SPACA7: variants seen among roughly 807,000 people sequenced by gnomAD.
SPACA7 encodes sperm acrosome-associated protein 7.
SPACA7 carries 19 observed loss-of-function variants against 26.3 expected under a neutral mutation model. The observed-to-expected ratio is 0.72, with a 90% confidence interval of 0.50 to 1.06. The LOEUF (loss-of-function observed/expected upper bound fraction) is 1.06, where lower values mean the gene tolerates loss of function less well. Ranked by LOEUF, SPACA7 falls within the 50% of genes least tolerant of loss-of-function variation. SPACA7 has a pLI of 0.00. For missense variants in SPACA7, 211 were observed against 229.9 expected, an observed-to-expected ratio of 0.92 and a Z score of 0.53; for synonymous variants, 84 against 84.5, an observed-to-expected ratio of 0.99 and a Z score of 0.04.
At chr13:112,416,148 A>G (rs1448669154) in intron 5 of SPACA7, among the ~76,000 whole-genome samples, 1 of 151,956 alleles carries the variant, frequency 6.6e-6, no homozygotes, top group Non-Finnish European at 1.5e-5. Context: ...ATGATCACTC[A>G]TCTGATTTTC....
At chr13:112,415,999 C>T (rs964782473) in intron 5 of SPACA7, among the ~76,000 whole-genome samples, 1 of 152,002 alleles carries the variant, frequency 6.6e-6, no homozygotes, top group Non-Finnish European at 1.5e-5. Flanking sequence ...ACTCACTTCC[C>T]TCCCTCTCTG....
chr13:112,426,921 G>T (rs1223388067), intron 5 of SPACA7, among the ~76,000 whole-genome samples: 2 of 152,136 alleles, frequency 1.3e-5, no homozygotes, highest in East Asian at 3.9e-4. Context: ...GTGCAATGTT[G>T]AATGTTGAAT....
chr13:112,412,050 C>G (rs1195691455), intron 5 of SPACA7, among the ~76,000 whole-genome samples: 1 of 152,068 alleles, frequency 6.6e-6, no homozygotes. Flanking sequence ...AGTGGCTGAA[C>G]TAGTTTACAC....
At chr13:112,412,388 A>G (rs1452765865) in intron 5 of SPACA7, among the ~76,000 whole-genome samples, 3 of 151,914 alleles carry the variant, frequency 2.0e-5, no homozygotes, top group African/African-American at 7.3e-5. Context: ...GTTTGCAAAT[A>G]TTTTCTCCCA....
rs529146848 is a variant in SPACA7 at position 112,428,651 on chromosome 13, C to G, written c.446-3793C>G. 4.6e-5 allele frequency among the ~76,000 whole-genome samples: 7 copies of G among 152,180 alleles called. 1 individual carries two copies. Among genetic ancestry groups the G allele is most frequent in the Admixed American group, 4.6e-4 (7 of 15,296 alleles). On this transcript the variant is annotated intron_variant, in intron 5 of 6. Coordinates refer to ENST00000283550, the MANE Select transcript of SPACA7 (RefSeq NM_145248.5). ...AGTTTCAGATATTTGGAGGTTTTTT[C>G]CAGATACCATAATTTTATTGATTTA...
At chr13:112,432,812 G>A (rs1276387649) in intron 6 of SPACA7, among the ~76,000 whole-genome samples, 1 of 152,156 alleles carries the variant, frequency 6.6e-6, no homozygotes, top group Admixed American at 6.5e-5. Flanking sequence ...GACTCACAAG[G>A]CTGCCACCAC....
At position 112,432,521 on chromosome 13, in the gene SPACA7, G is replaced by A. The variant is rs200035329; in HGVS notation, c.523G>A (p.Gly175Arg). 7.4e-5 allele frequency: 118 copies of A among 1,593,264 alleles called. No homozygotes were observed. The highest frequency in any genetic ancestry group is 9.1e-5 in the Non-Finnish European group (106 of 1,161,056). Residue 175 changes from glycine (G) to arginine (R), a missense_variant and splice_region_variant, in exon 6 of 7, where the codon GGA becomes AGA. Gly to Arg is a moderately radical substitution (Grantham distance 125). Transcript: ENST00000283550. The part of the protein sequence containing the change: ...QILQNIGRSS[G>R]NIFHKEQQRT... Reference sequence around the variant, plus strand: ...CCTTCAAAATATTGGAAGATCTTCAGGTAGATTGGAAATAATAGATAAGTG... The same window carrying A: ...CCTTCAAAATATTGGAAGATCTTCAAGTAGATTGGAAATAATAGATAAGTG...
chr13:112,432,889 G>A (rs1312393809), intron 6 of SPACA7, among the ~76,000 whole-genome samples: 1 of 152,156 alleles, frequency 6.6e-6, no homozygotes, highest in Non-Finnish European at 1.5e-5. Flanking sequence ...GCCCAGGAAG[G>A]GCCCCCACAT....
rs143448256 is a variant in SPACA7, at chr13:112,415,175, C to T, written c.445+14011C>T. Among the ~76,000 whole-genome samples the T allele has an allele frequency of 7.3e-4, 111 of 152,322 alleles. 1 individual carries two copies. Among genetic ancestry groups the T allele is most frequent in the Middle Eastern group, 3.4e-3 (1 of 294 alleles). ...CTTCCCTCTGTTTCCCCATAGCAGA[C>T]GGAATCTCTCTCCACACTGAGCTGC... On this transcript the variant is annotated intron_variant, in intron 5 of 6. Coordinates refer to ENST00000283550, the MANE Select transcript of SPACA7 (RefSeq NM_145248.5).
chr13:112,392,080 G>T (rs1414659321), intron 1 of SPACA7, among the ~76,000 whole-genome samples: 1 of 152,228 alleles, frequency 6.6e-6, no homozygotes, highest in Admixed American at 6.5e-5. Flanking sequence ...CACTCTGAAA[G>T]GGAAGGTGTG....
chr13:112,382,182 C>A (rs1441702351), intron 1 of SPACA7: 2 of 417,396 alleles, frequency 4.8e-6, no homozygotes, highest in Non-Finnish European at 8.5e-6. Flanking sequence ...TTCACTGTCT[C>A]AGTCATAATC....
chr13:112,417,446 T>A (rs1886763185), intron 5 of SPACA7, among the ~76,000 whole-genome samples: 1 of 152,166 alleles, frequency 6.6e-6, no homozygotes, highest in Non-Finnish European at 1.5e-5. Context: ...TAGTGAATAT[T>A]TTGATTGCTT....
intron 5 of SPACA7, among the ~76,000 whole-genome samples, chr13:112,425,503 C>T (rs72670915): frequency 0.089 from 13,469 of 152,142 alleles, 674 homozygotes; most frequent in African/African-American, 0.11. Flanking sequence ...GCGAGGCCAC[C>T]CAGGATGGGC....
At chr13:112,399,402 G>A (rs1422235623) in intron 4 of SPACA7, among the ~76,000 whole-genome samples, 39 of 152,240 alleles carry the variant, frequency 2.6e-4, no homozygotes, top group Admixed American at 2.6e-3. Context: ...CACAGCCCAG[G>A]GAAGCACAGC....
chr13:112,399,592 G>A (rs529485620), intron 4 of SPACA7, among the ~76,000 whole-genome samples: 14 of 152,342 alleles, frequency 9.2e-5, no homozygotes, highest in Admixed American at 6.5e-4. Context: ...TCCAACAGAT[G>A]AGTCTGCTGG....
At position 112,432,522 on chromosome 13, in the gene SPACA7, G is replaced by A. The variant is rs1439265360; in HGVS notation, c.523+1G>A. The A allele has an allele frequency of 6.3e-7, 1 of 1,592,184 alleles. No homozygotes were observed. The highest frequency in any genetic ancestry group is 1.3e-5 in the African/African-American group (1 of 74,522). ...CTTCAAAATATTGGAAGATCTTCAGGTAGATTGGAAATAATAGATAAGTGT... is the reference window on the plus strand; with the variant it reads ...CTTCAAAATATTGGAAGATCTTCAGATAGATTGGAAATAATAGATAAGTGT... On this transcript the variant is annotated splice_donor_variant, in intron 6 of 6. Transcript: ENST00000283550. LOFTEE classifies it high-confidence loss of function.
At chr13:112,402,757 T>G (rs1025195142) in intron 5 of SPACA7, among the ~76,000 whole-genome samples, 1 of 152,172 alleles carries the variant, frequency 6.6e-6, no homozygotes, top group Non-Finnish European at 1.5e-5. Context: ...GAGCCCATAG[T>G]TTTTTTCTTT....
chr13:112,422,613 T>G (rs1876095347), intron 5 of SPACA7, among the ~76,000 whole-genome samples: 1 of 152,176 alleles, frequency 6.6e-6, no homozygotes, highest in Non-Finnish European at 1.5e-5. Flanking sequence ...ACAACAGAAA[T>G]AAACCAGAAA....
At chr13:112,422,763 T>C (rs1175958809) in intron 5 of SPACA7, among the ~76,000 whole-genome samples, 1 of 152,196 alleles carries the variant, frequency 6.6e-6, no homozygotes, top group Non-Finnish European at 1.5e-5. Flanking sequence ...AAAAATGAAG[T>C]GCGTCTCACT....
Sources: allele counts gnomAD v4.1 joint callset (sites outside exome capture counted in the v4.1 genomes callset), GRCh38; gene constraint gnomAD v4.1.1; transcripts MANE v1.5; gene names NCBI Gene and HGNC (gene_info 2026-07-23, HGNC 2026-07-21).